The following KCNMB2 variants were observed in gnomAD, a reference collection of about 807,000 sequenced individuals.
The protein encoded by KCNMB2 is potassium calcium-activated channel subfamily M regulatory beta subunit 2.
KCNMB2 carries 9 observed loss-of-function variants against 24.5 expected under a neutral mutation model. The observed-to-expected ratio is 0.37, with a 90% CI of 0.22 to 0.64. KCNMB2 has a LOEUF of 0.64. Ranked by LOEUF, KCNMB2 falls within the 30% of genes least tolerant of loss-of-function variation. KCNMB2 has a pLI of 0.63. For synonymous variants in KCNMB2, 109 were observed against 104.4 expected (o/e 1.04, Z -0.27); for missense variants, 226 against 284.3 (o/e 0.79, Z 1.47).
chr3:178,744,055 T>G (rs548509862), intron 1 of KCNMB2, among the ~76,000 whole-genome samples: 1 of 152,260 alleles, frequency 6.6e-6, no homozygotes, highest in East Asian at 1.9e-4. Flanking sequence ...GCGATAGAAG[T>G]TAAATCTTTT....
At chr3:178,746,343 A>G (rs12696463) in intron 1 of KCNMB2, among the ~76,000 whole-genome samples, 74,173 of 151,930 alleles carry the variant, frequency 0.49, 18,603 homozygotes, top group African/African-American at 0.62. Context: ...AGCCATGGCT[A>G]GAGCAGCTGG....
chr3:178,706,104 C>T (rs903096346), intron 1 of KCNMB2, among the ~76,000 whole-genome samples: 19 of 152,052 alleles, frequency 1.2e-4, no homozygotes, highest in African/African-American at 4.6e-4. Context: ...ATAACCACTC[C>T]AAGACATGCA....
chr3:178,571,486 A>C (rs1716794915), intron 1 of KCNMB2, among the ~76,000 whole-genome samples: 1 of 123,122 alleles, frequency 8.1e-6, no homozygotes, highest in Admixed American at 8.1e-5. Context: ...ATATATATAT[A>C]CTTTTTTCTG....
intron 1 of KCNMB2, among the ~76,000 whole-genome samples, chr3:178,700,493 G>A (rs1168839939): frequency 6.6e-6 from 1 of 152,194 alleles, no homozygotes; most frequent in East Asian, 1.9e-4. Context: ...GACTTTTCAG[G>A]CCATACAGTG....
chr3:178,804,376 G>A lies in KCNMB2; in HGVS notation c.-67-2967G>A, dbSNP rs577057966. On this transcript the variant is annotated intron_variant, in intron 1 of 4. Transcript: ENST00000452583. ...TTAACCTGCACAGAACCTTTGTACT[G>A]TTGCCTTTAAAGCAGCTACTCCCTT... Among the ~76,000 whole-genome samples, 3 of 152,178 alleles carry A rather than the reference G, an allele frequency of 2.0e-5. No homozygotes were observed. In the South Asian group the frequency reaches 6.2e-4, roughly 32 times the overall value.
intron 1 of KCNMB2, among the ~76,000 whole-genome samples, chr3:178,702,850 G>C (rs1722150513): frequency 6.6e-6 from 1 of 152,128 alleles, no homozygotes; most frequent in Non-Finnish European, 1.5e-5. Flanking sequence ...CTGATACAAA[G>C]TGAGTTCTTA....
At chr3:178,840,117 T>A (rs558035254) in intron 4 of KCNMB2, among the ~76,000 whole-genome samples, 1 of 152,234 alleles carries the variant, frequency 6.6e-6, no homozygotes, top group African/African-American at 2.4e-5. Context: ...AGAAATTGGC[T>A]AAAACAAAGG....
At chr3:178,681,740 C>G (rs1023126607) in intron 1 of KCNMB2, among the ~76,000 whole-genome samples, 4 of 152,204 alleles carry the variant, frequency 2.6e-5, no homozygotes, top group African/African-American at 9.6e-5. Context: ...AGGCATACTT[C>G]TTGTCTTCTC....
chr3:178,655,089 G>GCTCTCCCTCT, intron 1 of KCNMB2, among the ~76,000 whole-genome samples: 1 of 77,958 alleles, frequency 1.3e-5, no homozygotes, highest in South Asian at 4.3e-4. Context: ...GTAAATATTA[G>GCTCTCCCTCT]CTCTCCCTCT....
intron 1 of KCNMB2, among the ~76,000 whole-genome samples, chr3:178,617,229 C>T (rs1718737221): frequency 6.6e-6 from 1 of 151,914 alleles, no homozygotes; most frequent in Non-Finnish European, 1.5e-5. Flanking sequence ...TATTATTATT[C>T]AAAAGAAATG....
intron 1 of KCNMB2, among the ~76,000 whole-genome samples, chr3:178,751,695 G>C (rs28500588): frequency 0.16 from 23,266 of 149,810 alleles, 1,976 homozygotes; most frequent in Admixed American, 0.19. Context: ...AGAGGGAAAT[G>C]TTTATTTGGA....
At chr3:178,643,949 T>C (rs1719817292) in intron 1 of KCNMB2, among the ~76,000 whole-genome samples, 1 of 152,218 alleles carries the variant, frequency 6.6e-6, no homozygotes, top group Admixed American at 6.5e-5. Flanking sequence ...TGCCAGTCTT[T>C]TCCATCCCTT....
At chr3:178,611,169 G>C (rs561353237) in intron 1 of KCNMB2, among the ~76,000 whole-genome samples, 1 of 152,130 alleles carries the variant, frequency 6.6e-6, no homozygotes, top group African/African-American at 2.4e-5. Context: ...CTTATTATTG[G>C]TCTGTTCATG....
intron 4 of KCNMB2, among the ~76,000 whole-genome samples, chr3:178,840,318 G>A (rs61798139): frequency 0.15 from 22,071 of 152,134 alleles, 1,863 homozygotes; most frequent in Non-Finnish European, 0.19. Flanking sequence ...TTGCTTTCCC[G>A]GGCTGGCTCT....
intron 1 of KCNMB2, among the ~76,000 whole-genome samples, chr3:178,742,998 C>T (rs867545213): frequency 6.6e-6 from 1 of 151,972 alleles, no homozygotes; most frequent in Non-Finnish European, 1.5e-5. Flanking sequence ...GTGGCTGTTA[C>T]AAGAAACACT....
chr3:178,606,347 A>G (rs1379425469), intron 1 of KCNMB2, among the ~76,000 whole-genome samples: 3 of 152,140 alleles, frequency 2.0e-5, no homozygotes, highest in Non-Finnish European at 4.4e-5. Flanking sequence ...TACCTCCCCA[A>G]CTAGTGGACC....
At chr3:178,783,165 AC>A (rs1712944055) in intron 1 of KCNMB2, among the ~76,000 whole-genome samples, 1 of 152,114 alleles carries the variant, frequency 6.6e-6, no homozygotes, top group African/African-American at 2.4e-5. Context: ...CTGTTTTGGT[AC>A]CAGTACCATG....
intron 1 of KCNMB2, among the ~76,000 whole-genome samples, chr3:178,630,171 G>A (rs961046255): frequency 6.6e-6 from 1 of 152,114 alleles, no homozygotes; most frequent in Non-Finnish European, 1.5e-5. Context: ...CTACAGTTGA[G>A]CCATTTCTGT....
At chr3:178,810,270 G>C (rs1714134128) in intron 2 of KCNMB2, among the ~76,000 whole-genome samples, 1 of 152,258 alleles carries the variant, frequency 6.6e-6, no homozygotes, top group South Asian at 2.1e-4. Flanking sequence ...TGGTAATTCA[G>C]TTTCTTCTTG....
Sources: gnomAD v4.1 joint callset for allele counts (sites outside exome capture counted in the v4.1 genomes callset) on GRCh38, gnomAD v4.1.1 for gene constraint, MANE v1.5 for transcripts, NCBI Gene and HGNC (gene_info 2026-07-23, HGNC 2026-07-21) for gene names.